FAM13A: variants seen among roughly 807,000 people sequenced by gnomAD.
The protein encoded by FAM13A is family with sequence similarity 13 member A, also known as protein FAM13A.
Under a neutral mutation model 129.6 loss-of-function variants are expected in FAM13A, and 76 were observed. The ratio of observed to expected loss-of-function variants is 0.59; its 90% CI spans 0.49 to 0.71. The LOEUF is 0.71. Among genes scored for constraint, FAM13A ranks in the 30% least tolerant of loss-of-function variants. The probability of loss-of-function intolerance (pLI) is 0.00; values close to 1 mark genes in which losing one functional copy is unlikely to be tolerated. For missense variants in FAM13A, 1,108 were observed against 1,249.3 expected, an observed-to-expected ratio of 0.89 and a Z score of 1.70; for synonymous variants, 443 against 449.9, an observed-to-expected ratio of 0.98 and a Z score of 0.20.
chr4:88,918,642 C>G (rs199791724), intron 5 of FAM13A, among the ~76,000 whole-genome samples: 1 of 152,206 alleles, frequency 6.6e-6, no homozygotes, highest in Non-Finnish European at 1.5e-5. Context: ...CTTTCTTGTA[C>G]AAGCCACAGT....
chr4:88,823,052 G>A (rs781682577), intron 7 of FAM13A: 4 of 1,611,748 alleles, frequency 2.5e-6, no homozygotes, highest in South Asian at 1.1e-5. Context: ...CTCTTCCACG[G>A]CAAGTTTGGT....
At chr4:89,018,346 G>C (rs939570353) in intron 3 of FAM13A, among the ~76,000 whole-genome samples, 1 of 152,256 alleles carries the variant, frequency 6.6e-6, no homozygotes, top group Non-Finnish European at 1.5e-5. Flanking sequence ...ACACCAAAGA[G>C]AGAGGCCTCA....
At chr4:88,899,968 A>G (rs555975603) in intron 6 of FAM13A, among the ~76,000 whole-genome samples, 2 of 152,290 alleles carry the variant, frequency 1.3e-5, no homozygotes, top group African/African-American at 2.4e-5. Flanking sequence ...ATAACACAAT[A>G]TAAGAAATTC....
At chr4:88,823,776 G>A (rs540179735) in intron 7 of FAM13A, among the ~76,000 whole-genome samples, 198 of 152,262 alleles carry the variant, frequency 1.3e-3, no homozygotes, top group African/African-American at 4.4e-3. Flanking sequence ...TTTACACTGC[G>A]GTGGTTACTA....
At chr4:88,916,885 T>C (rs1750210332) in intron 5 of FAM13A, among the ~76,000 whole-genome samples, 1 of 152,228 alleles carries the variant, frequency 6.6e-6, no homozygotes, top group African/African-American at 2.4e-5. Flanking sequence ...TAATTGTTTA[T>C]TGTCTGTGCC....
intron 3 of FAM13A, among the ~76,000 whole-genome samples, chr4:88,999,620 G>C (rs1763986233): frequency 6.6e-6 from 1 of 152,106 alleles, no homozygotes; most frequent in African/African-American, 2.4e-5. Context: ...CTGGTTAAAT[G>C]CTCAGCTATA....
intron 6 of FAM13A, among the ~76,000 whole-genome samples, chr4:88,886,211 C>G (rs1157199493): frequency 6.6e-6 from 1 of 152,210 alleles, no homozygotes; most frequent in Non-Finnish European, 1.5e-5. Context: ...AGTAATACTT[C>G]CACACGCATG....
intron 11 of FAM13A, among the ~76,000 whole-genome samples, chr4:88,772,299 T>C (rs771182224): frequency 6.6e-6 from 1 of 152,212 alleles, no homozygotes; most frequent in African/African-American, 2.4e-5. Flanking sequence ...ACATTTTATG[T>C]TTTATTGCTT....
intron 16 of FAM13A, 116 bp from the exon 17 acceptor site, chr4:88,749,149 G>A (rs1034486920): frequency 1.0e-5 from 8 of 761,990 alleles, no homozygotes; most frequent in Non-Finnish European, 1.9e-5. Flanking sequence ...ATCAGAATAA[G>A]AAATTAAACA....
intron 11 of FAM13A, among the ~76,000 whole-genome samples, chr4:88,777,405 G>T (rs912525707): frequency 6.6e-6 from 1 of 152,146 alleles, no homozygotes; most frequent in African/African-American, 2.4e-5. Context: ...AAGTAAAAGA[G>T]GAGATAAGGT....
At chr4:88,988,424 C>T (rs933418298) in intron 4 of FAM13A, among the ~76,000 whole-genome samples, 8 of 152,166 alleles carry the variant, frequency 5.3e-5, no homozygotes, top group African/African-American at 1.2e-4. Context: ...AAGTATATTA[C>T]GGTTATGTAG....
At chr4:88,949,525 T>G (rs1579444938) in intron 4 of FAM13A, among the ~76,000 whole-genome samples, 1 of 152,232 alleles carries the variant, frequency 6.6e-6, no homozygotes, top group Non-Finnish European at 1.5e-5. Flanking sequence ...TGCAAAAGTT[T>G]CCAAATTTGT....
chr4:88,880,355 C>T (rs892431143), intron 6 of FAM13A, among the ~76,000 whole-genome samples: 6 of 152,092 alleles, frequency 3.9e-5, no homozygotes, highest in Admixed American at 3.3e-4. Flanking sequence ...GAAGGTTTGA[C>T]CTTACCTGGA....
At chr4:88,863,332 A>ACCCTTC (rs1281834871) in intron 6 of FAM13A, among the ~76,000 whole-genome samples, 2 of 80,436 alleles carry the variant, frequency 2.5e-5, no homozygotes, top group Non-Finnish European at 4.9e-5. Flanking sequence ...GTTGGTGAAT[A>ACCCTTC]CATGGAGGTG....
intron 6 of FAM13A, among the ~76,000 whole-genome samples, chr4:88,900,082 G>GA (rs1428771299): frequency 5.3e-5 from 8 of 151,872 alleles, no homozygotes; most frequent in African/African-American, 1.9e-4. Flanking sequence ...CAAGAATACA[G>GA]AAAAAAGAAT....
intron 4 of FAM13A, among the ~76,000 whole-genome samples, chr4:88,984,485 T>C (rs940598377): frequency 6.6e-6 from 1 of 152,068 alleles, no homozygotes; most frequent in African/African-American, 2.4e-5. Flanking sequence ...GCAGAAGATC[T>C]GAATAAACAT....
At chr4:88,747,991 G>A (rs926740506) in intron 17 of FAM13A, 140 bp from the exon 18 acceptor site, 18 of 606,396 alleles carry the variant, frequency 3.0e-5, no homozygotes, top group East Asian at 2.0e-4. Flanking sequence ...CTGGGTTCAC[G>A]CCATTCTCCT....
chr4:88,968,839 T>C (rs941668589), intron 4 of FAM13A, among the ~76,000 whole-genome samples: 3 of 152,172 alleles, frequency 2.0e-5, no homozygotes, highest in Non-Finnish European at 4.4e-5. Flanking sequence ...CAAACTATTA[T>C]TCATTTTTCA....
chr4:88,773,098 C>T (rs866026107), intron 11 of FAM13A, among the ~76,000 whole-genome samples: 1 of 152,322 alleles, frequency 6.6e-6, no homozygotes, highest in Non-Finnish European at 1.5e-5. Context: ...TTTATGATCA[C>T]ACCACTCCAC....
Sources: gnomAD v4.1 joint callset for allele counts (sites outside exome capture counted in the v4.1 genomes callset) on GRCh38, gnomAD v4.1.1 for gene constraint, MANE v1.5 for transcripts, NCBI Gene and HGNC (gene_info 2026-07-23, HGNC 2026-07-21) for gene names.